AFG1L: variants seen among roughly 807,000 people sequenced by gnomAD.
AFG1L encodes the protein AFG1-like ATPase.
In AFG1L, 53 loss-of-function variants were observed where a neutral mutation model predicts 62.2. The ratio of observed to expected loss-of-function variants is 0.85; its 90% confidence interval spans 0.68 to 1.07. The LOEUF (loss-of-function observed/expected upper bound fraction) is 1.07, where lower values mean the gene tolerates loss of function less well. Among genes scored for constraint, AFG1L ranks in the 50% least tolerant of loss-of-function variants. The probability of loss-of-function intolerance (pLI) is 0.00; values close to 1 mark genes in which losing one functional copy is unlikely to be tolerated. For missense variants in AFG1L, 555 were observed against 590.5 expected (o/e 0.94, Z 0.62); for synonymous variants, 228 against 210.3 (o/e 1.08, Z -0.73).
intron 1 of AFG1L, among the ~76,000 whole-genome samples, chr6:108,296,084 A>T (rs1252702936): frequency 6.6e-6 from 1 of 152,186 alleles, no homozygotes; most frequent in African/African-American, 2.4e-5. Context: ...TATATACCTT[A>T]ATAGATTATT....
chr6:108,474,089 T>C (rs1773017890), intron 8 of AFG1L, among the ~76,000 whole-genome samples: 1 of 152,168 alleles, frequency 6.6e-6, no homozygotes, highest in Non-Finnish European at 1.5e-5. Flanking sequence ...TGTGTCCATG[T>C]GTTCTCATTG....
At chr6:108,354,958 A>G (rs1398227593) in intron 3 of AFG1L, among the ~76,000 whole-genome samples, 1 of 152,206 alleles carries the variant, frequency 6.6e-6, no homozygotes, top group Non-Finnish European at 1.5e-5. Context: ...AATTTCCTCA[A>G]GTAGGCTTTA....
chr6:108,438,775 A>G (rs1320225825), intron 7 of AFG1L, among the ~76,000 whole-genome samples: 1 of 152,198 alleles, frequency 6.6e-6, no homozygotes, highest in Admixed American at 6.5e-5. Context: ...CTTGATAAAA[A>G]GAAGGGATAC....
At chr6:108,378,057 G>A (rs757029401) in intron 6 of AFG1L, among the ~76,000 whole-genome samples, 77 of 138,892 alleles carry the variant, frequency 5.5e-4, no homozygotes, top group Non-Finnish European at 6.8e-4. Context: ...TGGTCAGATT[G>A]GGTTCGTTCA....
At chr6:108,451,429 TA>T (rs1478292401) in intron 8 of AFG1L, among the ~76,000 whole-genome samples, 1 of 152,240 alleles carries the variant, frequency 6.6e-6, no homozygotes, top group Non-Finnish European at 1.5e-5. Flanking sequence ...CCACAAGAAC[TA>T]ATTCACATAA....
intron 6 of AFG1L, among the ~76,000 whole-genome samples, chr6:108,385,752 C>T (rs905679887): frequency 3.3e-5 from 5 of 152,102 alleles, no homozygotes; most frequent in East Asian, 1.9e-4. Context: ...CTTTGGAGCT[C>T]AGAGACAGTG....
intron 10 of AFG1L, among the ~76,000 whole-genome samples, chr6:108,503,868 G>T (rs1774296815): frequency 6.6e-6 from 1 of 152,242 alleles, no homozygotes; most frequent in South Asian, 2.1e-4. Context: ...ATCAGCACTT[G>T]CTGTTTCACC....
intron 7 of AFG1L, among the ~76,000 whole-genome samples, chr6:108,434,291 T>C (rs1771212012): frequency 6.6e-6 from 1 of 152,174 alleles, no homozygotes; most frequent in African/African-American, 2.4e-5. Context: ...AAGCCTAATA[T>C]CTAGGCTGGA....
At chr6:108,373,159 AAC>A (rs758803505) in intron 6 of AFG1L, among the ~76,000 whole-genome samples, 5 of 152,088 alleles carry the variant, frequency 3.3e-5, no homozygotes, top group South Asian at 2.1e-4. Context: ...CATAGTATCT[AAC>A]AGTTAGTTTT....
At chr6:108,505,401 T>G (rs1191704916) in intron 10 of AFG1L, among the ~76,000 whole-genome samples, 1 of 152,180 alleles carries the variant, frequency 6.6e-6, no homozygotes, top group Non-Finnish European at 1.5e-5. Context: ...CAGATTTTTT[T>G]CTATATGTAT....
At chr6:108,393,662 C>G (rs996398388) in intron 6 of AFG1L, among the ~76,000 whole-genome samples, 1 of 152,080 alleles carries the variant, frequency 6.6e-6, no homozygotes, top group Non-Finnish European at 1.5e-5. Context: ...TAAACTACAT[C>G]TCAGAGCCTT....
At chr6:108,371,470 G>A (rs1483027405) in intron 6 of AFG1L, among the ~76,000 whole-genome samples, 4 of 152,032 alleles carry the variant, frequency 2.6e-5, no homozygotes, top group South Asian at 2.1e-4. Flanking sequence ...CTGCATCCTC[G>A]ACCTCCTGAG....
chr6:108,430,991 G>C (rs1287995035), intron 7 of AFG1L, among the ~76,000 whole-genome samples: 1 of 152,156 alleles, frequency 6.6e-6, no homozygotes. Flanking sequence ...CTGGCACATA[G>C]CTATTAGAAT....
At chr6:108,421,174 G>A (rs904232641) in intron 7 of AFG1L, among the ~76,000 whole-genome samples, 5 of 152,082 alleles carry the variant, frequency 3.3e-5, no homozygotes, top group Admixed American at 2.0e-4. Context: ...TGTAAGAGAG[G>A]GTGTTACTAT....
chr6:108,378,029 T>C (rs1344385502), intron 6 of AFG1L, among the ~76,000 whole-genome samples: 1 of 151,224 alleles, frequency 6.6e-6, no homozygotes, highest in Non-Finnish European at 1.5e-5. Flanking sequence ...TTTTAAAAAT[T>C]CTTCTTTTTT....
At chr6:108,481,807 G>C (rs1341558500) in intron 10 of AFG1L, among the ~76,000 whole-genome samples, 1 of 152,204 alleles carries the variant, frequency 6.6e-6, no homozygotes, top group African/African-American at 2.4e-5. Context: ...AGAGTTGCAA[G>C]CTGAACTAGC....
At chr6:108,382,917 A>G (rs1780610440) in intron 6 of AFG1L, among the ~76,000 whole-genome samples, 1 of 152,304 alleles carries the variant, frequency 6.6e-6, no homozygotes, top group South Asian at 2.1e-4. Flanking sequence ...ACAACAAAAG[A>G]TACTGCAGCA....
At chr6:108,416,366 C>T (rs1268888768) in intron 7 of AFG1L, among the ~76,000 whole-genome samples, 22 of 152,142 alleles carry the variant, frequency 1.4e-4, no homozygotes, top group African/African-American at 4.6e-4. Context: ...GACAGTGTGG[C>T]GATTCCTCAA....
intron 6 of AFG1L, among the ~76,000 whole-genome samples, chr6:108,369,760 C>G (rs1779914758): frequency 1.3e-5 from 2 of 152,142 alleles, no homozygotes; most frequent in Non-Finnish European, 2.9e-5. Context: ...AGGCACCCAC[C>G]ACCATGCCCA....
Sources: allele counts gnomAD v4.1 joint callset (sites outside exome capture counted in the v4.1 genomes callset), GRCh38; gene constraint gnomAD v4.1.1; transcripts MANE v1.5; gene names NCBI Gene and HGNC (gene_info 2026-07-23, HGNC 2026-07-21).